The following LGR5 variants were observed in gnomAD, a reference collection of about 807,000 sequenced individuals.
The protein encoded by LGR5 is leucine-rich repeat-containing G protein-coupled receptor 5.
Under a neutral mutation model 76.7 loss-of-function variants are expected in LGR5, and 54 were observed. The observed-to-expected ratio is 0.70, with a 90% CI of 0.57 to 0.88. The LOEUF is 0.88. Among genes scored for constraint, LGR5 ranks in the 40% least tolerant of loss-of-function variants. The probability of loss-of-function intolerance (pLI) is 0.00; values close to 1 mark genes in which losing one functional copy is unlikely to be tolerated. For synonymous variants in LGR5, 406 were observed against 421.9 expected (o/e 0.96, Z 0.46); for missense variants, 1,078 against 1,073.3 (o/e 1.00, Z -0.06).
intron 4 of LGR5, among the ~76,000 whole-genome samples, chr12:71,540,180 G>T (rs1332140294): frequency 1.3e-5 from 2 of 152,122 alleles, no homozygotes; most frequent in East Asian, 3.9e-4. Flanking sequence ...CTTCATTTGT[G>T]ATTGTCATTA....
At chr12:71,442,331 A>G (rs143121015) in intron 1 of LGR5, among the ~76,000 whole-genome samples, 388 of 152,252 alleles carry the variant, frequency 2.5e-3, no homozygotes, top group African/African-American at 9.0e-3. Context: ...AATGTTCCCT[A>G]TCTATCTATA....
intron 17 of LGR5, among the ~76,000 whole-genome samples, chr12:71,582,845 TA>T (rs1256604237): frequency 6.6e-6 from 1 of 152,214 alleles, no homozygotes; most frequent in African/African-American, 2.4e-5. Flanking sequence ...TAGTATGCTA[TA>T]ATCTTGTTTT....
At chr12:71,486,346 G>A (rs549135129) in intron 1 of LGR5, among the ~76,000 whole-genome samples, 20 of 152,254 alleles carry the variant, frequency 1.3e-4, no homozygotes, top group African/African-American at 2.4e-4. Flanking sequence ...GACAGCAATC[G>A]TTTGACATGT....
rs74789236 is a variant in LGR5 at position 71,554,774 on chromosome 12, A to G, written c.644+1486A>G. Among the ~76,000 whole-genome samples, 1,377 of 152,310 alleles carry G rather than the reference A, an allele frequency of 9.0e-3. 18 individuals carry two copies. Among genetic ancestry groups the G allele is most frequent in the African/African-American group, 0.031 (1,278 of 41,568 alleles). On this transcript the variant is annotated intron_variant, in intron 5 of 17. Transcript: ENST00000266674. ...AATTGACAGCATGTTATGCATTTGC[A>G]CAGTTTTTTCCCACCATATGTCTAG...
At chr12:71,508,644 C>T (rs944370343) in intron 2 of LGR5, among the ~76,000 whole-genome samples, 4 of 149,892 alleles carry the variant, frequency 2.7e-5, no homozygotes, top group African/African-American at 7.4e-5. Context: ...GTTCCAGCTA[C>T]TCAGGAGGCT....
intron 3 of LGR5, among the ~76,000 whole-genome samples, chr12:71,524,871 G>A (rs907469688): frequency 6.6e-6 from 1 of 152,086 alleles, no homozygotes; most frequent in Admixed American, 6.6e-5. Flanking sequence ...GGTTTCAAAG[G>A]GGAGTGAATA....
chr12:71,567,267 TGCCAA>T, intron 11 of LGR5: 95 of 249,276 alleles, frequency 3.8e-4, no homozygotes, highest in South Asian at 1.4e-3. Context: ...CCAATATGGA[TGCCAA>T]AATCAAAAAC....
At chr12:71,564,653 A>G (rs58259099) in intron 8 of LGR5, among the ~76,000 whole-genome samples, 3 of 148,396 alleles carry the variant, frequency 2.0e-5, no homozygotes, top group Admixed American at 6.8e-5. Flanking sequence ...GTGTATATAT[A>G]CATATATGTA....
At chr12:71,563,438 G>C (rs1878160550) in intron 8 of LGR5, among the ~76,000 whole-genome samples, 5 of 152,124 alleles carry the variant, frequency 3.3e-5, no homozygotes, top group Admixed American at 3.3e-4. Flanking sequence ...CTTGAAGCAC[G>C]GCAACCATCT....
chr12:71,526,658 G>A (rs895029813), intron 3 of LGR5, among the ~76,000 whole-genome samples: 5 of 152,154 alleles, frequency 3.3e-5, no homozygotes, highest in Middle Eastern at 3.2e-3. Flanking sequence ...ATAGTGGGAC[G>A]AAGACAGAAA....
intron 4 of LGR5, among the ~76,000 whole-genome samples, chr12:71,538,187 C>T (rs1414980672): frequency 6.6e-6 from 1 of 152,104 alleles, no homozygotes; most frequent in Non-Finnish European, 1.5e-5. Context: ...TGGAAAGACC[C>T]AAAGCCTAGA....
In LGR5 at chr12:71,577,967, A is replaced by G; in HGVS notation, c.1251A>G (p.Ala417=). 2 of 1,613,674 alleles carry G rather than the reference A, an allele frequency of 1.2e-6. No individual in the cohort carries two copies. Among genetic ancestry groups the G allele is most frequent in the Non-Finnish European group, 1.7e-6 (2 of 1,179,650 alleles). ...WNKIAIIHPN[A]FSTLPSLIKL... is the part of the protein sequence containing the mutation. Reference sequence around the variant, plus strand: ...AAATTGCTATTATTCACCCCAATGCATTTTCCACTTTGCCATCCCTAATAA... The same window carrying G: ...AAATTGCTATTATTCACCCCAATGCGTTTTCCACTTTGCCATCCCTAATAA... The change falls in exon 14 of 18, where the codon GCA becomes GCG. Residue 417 remains alanine (A), a synonymous_variant. Transcript: ENST00000266674.
chr12:71,507,313 G>A (rs1051681271), intron 2 of LGR5, among the ~76,000 whole-genome samples: 10 of 152,060 alleles, frequency 6.6e-5, no homozygotes, highest in South Asian at 2.1e-4. Context: ...GTTTATTTGC[G>A]CTTTTTTTTT....
At chr12:71,550,692 G>C (rs1311300466) in intron 4 of LGR5, among the ~76,000 whole-genome samples, 1 of 152,034 alleles carries the variant, frequency 6.6e-6, no homozygotes, top group Admixed American at 6.5e-5. Flanking sequence ...TGGAACTCCT[G>C]ACCTCAGGTG....
At chr12:71,514,927 T>C (rs1475706082) in intron 2 of LGR5, among the ~76,000 whole-genome samples, 1 of 152,160 alleles carries the variant, frequency 6.6e-6, no homozygotes, top group Non-Finnish European at 1.5e-5. Context: ...TTTTCTCAAA[T>C]GGGGAGAAAA....
In LGR5 at chr12:71,540,156, T is replaced by G. The variant is rs556736375; in HGVS notation, c.428+4970T>G. On this transcript the variant is annotated intron_variant, in intron 4 of 17. Transcript: ENST00000266674. ...TATATTAATAGTTAAGAAATCAATCTATTTAAAAAATTGCTTCATTTGTGA... is the reference window on the plus strand; with the variant it reads ...TATATTAATAGTTAAGAAATCAATCGATTTAAAAAATTGCTTCATTTGTGA... 1.1e-3 allele frequency among the ~76,000 whole-genome samples: 170 copies of G among 152,328 alleles called. 1 individual carries two copies. In the South Asian group the frequency reaches 0.016, roughly 14 times the overall value.
At chr12:71,477,186 C>G (rs1203393300) in intron 1 of LGR5, among the ~76,000 whole-genome samples, 1 of 152,050 alleles carries the variant, frequency 6.6e-6, no homozygotes, top group East Asian at 1.9e-4. Flanking sequence ...AAACACATCC[C>G]TTAGCTCACA....
intron 5 of LGR5, among the ~76,000 whole-genome samples, chr12:71,555,791 A>G (rs1189918628): frequency 6.6e-6 from 1 of 152,212 alleles, no homozygotes; most frequent in Non-Finnish European, 1.5e-5. Context: ...CTAAAGACAG[A>G]ACTACCATTT....
rs181645574 is a variant in LGR5, at chr12:71,457,697, G to A, written c.212+17405G>A. Among the ~76,000 whole-genome samples, 235 of 152,272 alleles carry A rather than the reference G, an allele frequency of 1.5e-3. 1 individual carries two copies. The highest frequency in any genetic ancestry group is 2.5e-3 in the Admixed American group (38 of 15,298). ...CTGTGTCATATAGTCCTGCTGTTTT[G>A]TGGGAACACCTTTACCTTCATGTAA... On this transcript the variant is annotated intron_variant, in intron 1 of 17. Coordinates refer to ENST00000266674, the MANE Select transcript of LGR5 (RefSeq NM_003667.4).
Sources: allele counts gnomAD v4.1 joint callset (sites outside exome capture counted in the v4.1 genomes callset), GRCh38; gene constraint gnomAD v4.1.1; transcripts MANE v1.5; gene names NCBI Gene and HGNC (gene_info 2026-07-23, HGNC 2026-07-21).